The following MSANTD5 variants were observed in gnomAD, a reference collection of about 807,000 sequenced individuals.
The protein encoded by MSANTD5 is uncharacterized protein MSANTD5.
chr5:178,703,509 C>T, the MSANTD5 span, among the ~76,000 whole-genome samples: 2 of 152,122 alleles, frequency 1.3e-5, no homozygotes, highest in Admixed American at 1.3e-4. Flanking sequence ...CTTGGAGCTG[C>T]TTCTATTTTC....
chr5:178,706,707 T>C, the MSANTD5 span, among the ~76,000 whole-genome samples: 5 of 150,284 alleles, frequency 3.3e-5, no homozygotes, highest in Non-Finnish European at 7.4e-5. Context: ...AAGCTTTTTT[T>C]CCCTAGAGTG....
At position 178,696,845 on chromosome 5, in the gene MSANTD5, G is replaced by A. The variant is rs139745631; in HGVS notation, c.7-664C>T. Among the ~76,000 whole-genome samples, 1,515 of 152,102 alleles carry A rather than the reference G, an allele frequency of 1.0e-2. 19 individuals are homozygous for A. The highest frequency in any genetic ancestry group is 0.015 in the Non-Finnish European group (1,046 of 67,986). On this transcript the variant is annotated intron_variant, in intron 1 of 3. Coordinates refer to ENST00000648368, the Ensembl canonical transcript of MSANTD5. ...GAGAGCTCTGTGGATCTACTGGGAA[G>A]TCCCCTGTCCAAGCAGATCAGAGCA...
chr5:178,697,188 C>G (rs1440675676), intron 1 of MSANTD5, among the ~76,000 whole-genome samples: 1 of 152,196 alleles, frequency 6.6e-6, no homozygotes, highest in African/African-American at 2.4e-5. Flanking sequence ...GATAAGGTGG[C>G]TCACGCCTGT....
At chr5:178,693,411 C>CCGCGGTG (rs1169387413), downstream of MSANTD5, among the ~76,000 whole-genome samples, 169 of 152,100 alleles carry the variant, frequency 1.1e-3, 2 homozygotes, top group African/African-American at 3.7e-3. Context: ...GTGAGTGTCA[C>CCGCGGTG]AGCTCTTAAA....
chr5:178,700,116 C>G (rs529920491), upstream of MSANTD5, among the ~76,000 whole-genome samples: 1 of 152,266 alleles, frequency 6.6e-6, no homozygotes, highest in South Asian at 2.1e-4. Flanking sequence ...ACCCATCAGG[C>G]CCGCTCCTCC....
At chr5:178,694,071 C>T (rs935096419), downstream of MSANTD5, among the ~76,000 whole-genome samples, 2 of 151,942 alleles carry the variant, frequency 1.3e-5, no homozygotes, top group African/African-American at 4.8e-5. Flanking sequence ...AATCCCAGCA[C>T]TTTGGGAGGC....
chr5:178,704,652 T>C, the MSANTD5 span, among the ~76,000 whole-genome samples: 1 of 152,196 alleles, frequency 6.6e-6, no homozygotes, highest in East Asian at 1.9e-4. Flanking sequence ...CAGAAGAGAT[T>C]TGGGGAGCAA....
At chr5:178,702,301 CTTTTTTTTTT>C (rs372575693), upstream of MSANTD5, among the ~76,000 whole-genome samples, 2 of 133,374 alleles carry the variant, frequency 1.5e-5, no homozygotes, top group South Asian at 2.4e-4. Context: ...CTTTTTTTTT[CTTTTTTTTTT>C]TTTTTTTGAC....
chr5:178,697,691 GGA>G (rs1765434617), exon 1 of MSANTD5: 1 of 152,162 alleles, frequency 6.6e-6, no homozygotes, highest in Non-Finnish European at 1.5e-5. Context: ...CTCCTCTAGT[GGA>G]ACCTAGGAGA....
chr5:178,696,832 G>C (rs62392820), intron 1 of MSANTD5, among the ~76,000 whole-genome samples: 19,704 of 151,858 alleles, frequency 0.13, 1,547 homozygotes, highest in Middle Eastern at 0.17. Flanking sequence ...GAGCTCTGTG[G>C]ATCTACTGGG....
the MSANTD5 span, among the ~76,000 whole-genome samples, chr5:178,706,719 C>T: frequency 3.3e-5 from 5 of 151,866 alleles, no homozygotes; most frequent in African/African-American, 1.2e-4. Flanking sequence ...CCTAGAGTGT[C>T]GGCTTTTATG....
downstream of MSANTD5, among the ~76,000 whole-genome samples, chr5:178,692,871 C>G (rs1765371269): frequency 1.3e-5 from 2 of 151,900 alleles, no homozygotes; most frequent in Admixed American, 6.6e-5. Flanking sequence ...ATGTCAATAT[C>G]CTGGTTATGA....
chr5:178,701,228 C>T (rs753327503), upstream of MSANTD5, among the ~76,000 whole-genome samples: 4 of 152,080 alleles, frequency 2.6e-5, no homozygotes, highest in African/African-American at 9.7e-5. Flanking sequence ...CTGCCCTCCT[C>T]GGCCTCCCAA....
the MSANTD5 span, among the ~76,000 whole-genome samples, chr5:178,707,340 T>A: frequency 1.3e-5 from 2 of 152,084 alleles, no homozygotes; most frequent in Non-Finnish European, 2.9e-5. Context: ...AGGTTGTCTG[T>A]GTAGCATCAT....
chr5:178,702,029 G>C (rs1171909749), upstream of MSANTD5, among the ~76,000 whole-genome samples: 1 of 149,620 alleles, frequency 6.7e-6, no homozygotes, highest in Non-Finnish European at 1.5e-5. Flanking sequence ...CACCGCGCCC[G>C]GCCGAATATT....
downstream of MSANTD5, among the ~76,000 whole-genome samples, chr5:178,692,182 C>G (rs980336169): frequency 1.5e-5 from 2 of 132,638 alleles, 1 homozygote; most frequent in Non-Finnish European, 3.4e-5. Context: ...GAGTTCGAGA[C>G]AAGCCTGGCC....
chr5:178,692,818 G>T (rs374869995), downstream of MSANTD5, among the ~76,000 whole-genome samples: 3 of 151,856 alleles, frequency 2.0e-5, no homozygotes, highest in East Asian at 5.8e-4. Context: ...CCTCATAAAG[G>T]GCAGTGAGAG....
chr5:178,698,956 C>T (rs1348288646), upstream of MSANTD5, among the ~76,000 whole-genome samples: 3 of 151,970 alleles, frequency 2.0e-5, no homozygotes, highest in African/African-American at 7.3e-5. Context: ...CTTTCCATGT[C>T]ATCTAAAAAT....
upstream of MSANTD5, among the ~76,000 whole-genome samples, chr5:178,701,224 T>G (rs1363744831): frequency 6.6e-6 from 1 of 152,032 alleles, no homozygotes; most frequent in Non-Finnish European, 1.5e-5. Context: ...TGATCTGCCC[T>G]CCTCGGCCTC....
Sources: gnomAD v4.1 joint callset for allele counts (sites outside exome capture counted in the v4.1 genomes callset) on GRCh38, gnomAD v4.1.1 for gene constraint, MANE v1.5 for transcripts, NCBI Gene and HGNC (gene_info 2026-07-23, HGNC 2026-07-21) for gene names.